DCLK2: variants seen among roughly 807,000 people sequenced by gnomAD.
The protein encoded by DCLK2 is serine/threonine-protein kinase DCLK2.
In DCLK2, 31 loss-of-function variants were observed where a neutral mutation model predicts 78.4. The observed-to-expected ratio is 0.40, with a 90% CI of 0.30 to 0.53. DCLK2 has a LOEUF of 0.53. Among genes scored for constraint, DCLK2 ranks in the 20% least tolerant of loss-of-function variants. The pLI, the probability that DCLK2 is intolerant of heterozygous loss-of-function variation, is 0.61. For missense variants in DCLK2, 872 were observed against 973.7 expected (o/e 0.90, Z 1.39); for synonymous variants, 407 against 374.9 (o/e 1.09, Z -0.99).
chr4:150,249,490 A>AG, intron 14 of DCLK2, 78 bp from the exon 15 acceptor site: 1 of 1,185,680 alleles, frequency 8.4e-7, no homozygotes, highest in South Asian at 1.3e-5. Context: ...TGAGGCGGGG[A>AG]GGGGGACTCT....
At chr4:150,095,254 GTCT>G (rs1268861591) in intron 1 of DCLK2, among the ~76,000 whole-genome samples, 3 of 152,144 alleles carry the variant, frequency 2.0e-5, no homozygotes, top group Admixed American at 2.0e-4. Context: ...CCATTTACAA[GTCT>G]TCTCTCTCCC....
At chr4:150,210,907 C>T (rs1244098533) in intron 5 of DCLK2, among the ~76,000 whole-genome samples, 1 of 141,254 alleles carries the variant, frequency 7.1e-6, no homozygotes, top group Non-Finnish European at 1.5e-5. Flanking sequence ...GAGATTGCGC[C>T]ATTGCACTCC....
At chr4:150,136,235 A>G (rs745505575) in intron 2 of DCLK2, among the ~76,000 whole-genome samples, 3 of 152,220 alleles carry the variant, frequency 2.0e-5, no homozygotes, top group Non-Finnish European at 4.4e-5. Context: ...GTTTGTAATC[A>G]TGAAGATATT....
rs1230280277 is a variant in DCLK2 at position 150,180,398 on chromosome 4, A to T, written c.757-12740A>T. On this transcript the variant is annotated intron_variant, in intron 2 of 15. Coordinates refer to ENST00000296550, the MANE Select transcript of DCLK2 (RefSeq NM_001040260.4). Reference sequence around the variant, plus strand: ...GAAATAGAAAATTTTGGATTGGAAGATTGCCACCTTTTGCTTTGGTTCTCA... The same window carrying T: ...GAAATAGAAAATTTTGGATTGGAAGTTTGCCACCTTTTGCTTTGGTTCTCA... 3.9e-5 allele frequency among the ~76,000 whole-genome samples: 6 copies of T among 152,296 alleles called. No homozygotes were observed. The East Asian group carries it at 1.2e-3, about 29-fold the overall frequency.
chr4:150,181,785 A>G (rs1223983772), intron 2 of DCLK2, among the ~76,000 whole-genome samples: 1 of 152,140 alleles, frequency 6.6e-6, no homozygotes, highest in African/African-American at 2.4e-5. Flanking sequence ...GCTGAAAAAC[A>G]TTGCTATTCT....
rs1729990640 is a variant in DCLK2, at chr4:150,090,593, G to A, written c.421+11145G>A. Among the ~76,000 whole-genome samples, 3 of 132,998 alleles carry A rather than the reference G, an allele frequency of 2.3e-5. No homozygotes were observed. The Middle Eastern group carries it at 0.011, about 496-fold the overall frequency. The allele number at this position is 132,998 out of a possible 152,430, so 87.3% of individuals were successfully genotyped here. On this transcript the variant is annotated intron_variant, in intron 1 of 15. Coordinates refer to ENST00000296550, the MANE Select transcript of DCLK2 (RefSeq NM_001040260.4). ...GAGATTAGATACGATTTCTTCCTCA[G>A]TGGGTAAGCTACAAAGCTTTTTGGT...
At chr4:150,224,461 AT>A (rs1213602618) in intron 7 of DCLK2, 39 bp from the exon 8 acceptor site, 1 of 1,541,556 alleles carries the variant, frequency 6.5e-7, no homozygotes, top group South Asian at 1.2e-5. Flanking sequence ...ATGGTATTTA[AT>A]TTATGTCTTT....
intron 4 of DCLK2, among the ~76,000 whole-genome samples, chr4:150,200,960 G>A (rs552596649): frequency 1.4e-4 from 21 of 152,296 alleles, no homozygotes; most frequent in African/African-American, 3.9e-4. Flanking sequence ...TGGGACTACA[G>A]GCGTGCGCCA....
At chr4:150,215,251 A>C (rs1740605038) in intron 5 of DCLK2, among the ~76,000 whole-genome samples, 1 of 152,166 alleles carries the variant, frequency 6.6e-6, no homozygotes, top group African/African-American at 2.4e-5. Flanking sequence ...CCAAGTGAAC[A>C]ATCAGTTCTA....
At chr4:150,230,406 C>G (rs886189180) in intron 8 of DCLK2, among the ~76,000 whole-genome samples, 1 of 152,146 alleles carries the variant, frequency 6.6e-6, no homozygotes, top group Non-Finnish European at 1.5e-5. Flanking sequence ...ATTAGCAACA[C>G]AAACACAGCC....
chr4:150,205,476 C>G (rs2126460533), intron 5 of DCLK2, among the ~76,000 whole-genome samples: 1 of 152,302 alleles, frequency 6.6e-6, no homozygotes, highest in East Asian at 1.9e-4. Flanking sequence ...CTAGCTCTCA[C>G]CTACCTGTAA....
intron 2 of DCLK2, among the ~76,000 whole-genome samples, chr4:150,142,572 G>C (rs1256429735): frequency 6.6e-6 from 1 of 151,960 alleles, no homozygotes; most frequent in African/African-American, 2.4e-5. Context: ...ATATTTGTTG[G>C]CGTCAGAATT....
chr4:150,154,681 G>A (rs2150233715), intron 2 of DCLK2, among the ~76,000 whole-genome samples: 1 of 152,288 alleles, frequency 6.6e-6, no homozygotes, highest in African/African-American at 2.4e-5. Context: ...CAAATGTACA[G>A]AAATGGAAGT....
intron 2 of DCLK2, among the ~76,000 whole-genome samples, chr4:150,140,664 T>C (rs1462275161): frequency 6.6e-6 from 1 of 152,214 alleles, no homozygotes; most frequent in African/African-American, 2.4e-5. Context: ...CTTCCTATTC[T>C]TTTCCTATTT....
chr4:150,252,190 G>C (rs945524650), intron 15 of DCLK2, among the ~76,000 whole-genome samples: 1 of 152,230 alleles, frequency 6.6e-6, no homozygotes, highest in Non-Finnish European at 1.5e-5. Context: ...CGATTCCCTT[G>C]CGAGAGCTAG....
At chr4:150,154,486 C>G (rs1454097817) in intron 2 of DCLK2, among the ~76,000 whole-genome samples, 2 of 152,260 alleles carry the variant, frequency 1.3e-5, no homozygotes, top group South Asian at 2.1e-4. Context: ...GGACTTCATA[C>G]CTGGACACTT....
At chr4:150,102,952 TA>T in intron 2 of DCLK2, 140 bp downstream of exon 2, 1 of 741,098 alleles carries the variant, frequency 1.3e-6, no homozygotes, top group Non-Finnish European at 2.1e-6. Flanking sequence ...TGTGTGTGTG[TA>T]TGTGTGTGTG....
chr4:150,173,848 T>C (rs1238475512), intron 2 of DCLK2, among the ~76,000 whole-genome samples: 1 of 152,174 alleles, frequency 6.6e-6, no homozygotes, highest in African/African-American at 2.4e-5. Context: ...GAAGGGGCTT[T>C]ATTACATGAA....
At chr4:150,242,271 TG>T (rs1742982288) in intron 12 of DCLK2, among the ~76,000 whole-genome samples, 1 of 152,206 alleles carries the variant, frequency 6.6e-6, no homozygotes, top group Admixed American at 6.5e-5. Context: ...AGTTCAGGGC[TG>T]GAAATCACAA....
Sources: gnomAD v4.1 joint callset for allele counts (sites outside exome capture counted in the v4.1 genomes callset) on GRCh38, gnomAD v4.1.1 for gene constraint, MANE v1.5 for transcripts, NCBI Gene and HGNC (gene_info 2026-07-23, HGNC 2026-07-21) for gene names.